The following NSL1 variants were observed in gnomAD, a reference collection of about 807,000 sequenced individuals.
The protein encoded by NSL1 is NSL1 component of MIS12 kinetochore complex.
Under a neutral mutation model 25.4 loss-of-function variants are expected in NSL1, and 11 were observed. The observed-to-expected ratio is 0.43, with a 90% CI of 0.27 to 0.72. The LOEUF is 0.72. Ranked by LOEUF, NSL1 falls within the 30% of genes least tolerant of loss-of-function variation. NSL1 has a pLI of 0.19. For synonymous variants in NSL1, 118 were observed against 120.6 expected, an observed-to-expected ratio of 0.98 and a Z score of 0.14; for missense variants, 330 against 342.7, an observed-to-expected ratio of 0.96 and a Z score of 0.29.
In NSL1 at chr1:212,784,348, G is replaced by T; in HGVS notation, c.444+15C>A. The T allele has an allele frequency of 6.5e-7, 1 of 1,541,334 alleles. No homozygotes were observed. The highest frequency in any genetic ancestry group is 8.8e-7 in the Non-Finnish European group (1 of 1,132,776). ...GTAAAATATACTATAACATTTTAAA[G>T]GCAAATCATCTTACCAGAATTTCTT... On this transcript the variant is annotated intron_variant, in intron 3 of 5. Transcript: ENST00000366977.
At chr1:212,789,536 T>C (rs535845780) in intron 1 of NSL1, among the ~76,000 whole-genome samples, 2 of 152,348 alleles carry the variant, frequency 1.3e-5, no homozygotes, top group South Asian at 2.1e-4. Context: ...AATTATTTTC[T>C]AGAATTACTT....
chr1:212,784,938 G>A (rs1249720539), intron 2 of NSL1, among the ~76,000 whole-genome samples: 2 of 152,070 alleles, frequency 1.3e-5, no homozygotes, highest in Non-Finnish European at 1.5e-5. Context: ...AAAGTGGTAC[G>A]GGAAAAAAGG....
At chr1:212,759,360 T>C (rs1571887217) in intron 4 of NSL1, among the ~76,000 whole-genome samples, 1 of 152,072 alleles carries the variant, frequency 6.6e-6, no homozygotes, top group East Asian at 1.9e-4. Flanking sequence ...AAAGACAGCA[T>C]CCAAGAAAAA....
Position 212,728,232 on chromosome 1 carries a change from T to A in NSL1, c.*10176A>T, listed in dbSNP as rs1571851252. Reference sequence around the variant, plus strand: ...TACATGGTAACTACTAGCATTATATTGATATTACCTTCAGCAAATAAGTTG... The same window carrying A: ...TACATGGTAACTACTAGCATTATATAGATATTACCTTCAGCAAATAAGTTG... On this transcript the variant is annotated 3_prime_UTR_variant, in exon 6 of 6. Coordinates refer to ENST00000366977, the MANE Select transcript of NSL1 (RefSeq NM_015471.4). 1 of 950,802 alleles carries A rather than the reference T, an allele frequency of 1.1e-6. No individual in the cohort carries two copies. The highest frequency in any genetic ancestry group is 1.2e-4 in the East Asian group (1 of 8,644). The allele number at this position is 950,802 out of a possible 1,614,324, so 58.9% of individuals were successfully genotyped here. A position where few individuals can be genotyped will look rare whatever the true frequency, so the allele number is the denominator to read the frequency against.
At position 212,727,542 on chromosome 1, in the gene NSL1, G is replaced by C; in HGVS notation, c.*10866C>G. ...TATACCACTGGAGAGAAAGGACAATGAATTAGACGTGTGCCACATACTTCT... is the reference window on the plus strand; with the variant it reads ...TATACCACTGGAGAGAAAGGACAATCAATTAGACGTGTGCCACATACTTCT... On this transcript the variant is annotated 3_prime_UTR_variant, in exon 6 of 6. Coordinates refer to ENST00000366977, the MANE Select transcript of NSL1 (RefSeq NM_015471.4). The C allele has an allele frequency of 2.2e-5, 22 of 985,392 alleles. No individual in the cohort carries two copies. The highest frequency in any genetic ancestry group is 2.7e-5 in the Non-Finnish European group (22 of 829,912). The allele number at this position is 985,392 out of a possible 1,614,324, so 61.0% of individuals were successfully genotyped here.
At position 212,728,350 on chromosome 1, in the gene NSL1, T is replaced by G; in HGVS notation, c.*10058A>C. 8.1e-6 allele frequency: 8 copies of G among 985,470 alleles called. No individual in the cohort carries two copies. Among genetic ancestry groups the G allele is most frequent in the Non-Finnish European group, 7.2e-6 (6 of 829,928 alleles). The allele number at this position is 985,470 out of a possible 1,614,324, so 61.0% of individuals were successfully genotyped here. A position where few individuals can be genotyped will look rare whatever the true frequency, so the allele number is the denominator to read the frequency against. On this transcript the variant is annotated 3_prime_UTR_variant, in exon 6 of 6. Transcript: ENST00000366977. ...TTATATGCCTGTTTTAAAAATATGCTGCTTTAAACAGTTCTACAATTCACG... is the reference window on the plus strand; with the variant it reads ...TTATATGCCTGTTTTAAAAATATGCGGCTTTAAACAGTTCTACAATTCACG...
chr1:212,776,372 A>T (rs1660370683), intron 4 of NSL1, among the ~76,000 whole-genome samples: 1 of 151,168 alleles, frequency 6.6e-6, no homozygotes, highest in Admixed American at 6.6e-5. Context: ...TCAAAAAAAA[A>T]TAATAAATAA....
At chr1:212,778,449 G>T (rs1197427640) in intron 4 of NSL1, among the ~76,000 whole-genome samples, 1 of 152,322 alleles carries the variant, frequency 6.6e-6, no homozygotes, top group South Asian at 2.1e-4. Context: ...CTGATGCCGA[G>T]CCGAAGCTGG....
intron 4 of NSL1, among the ~76,000 whole-genome samples, chr1:212,752,994 G>GA (rs1659137434): frequency 6.6e-6 from 1 of 151,976 alleles, no homozygotes; most frequent in Non-Finnish European, 1.5e-5. Context: ...GGCTTCTACT[G>GA]GTTTCTAAAG....
intron 4 of NSL1, among the ~76,000 whole-genome samples, chr1:212,774,387 TA>T (rs879433979): frequency 6.6e-6 from 1 of 152,038 alleles, no homozygotes; most frequent in Non-Finnish European, 1.5e-5. Flanking sequence ...TGTACCAATT[TA>T]AAAAAAATTT....
chr1:212,748,492 T>C (rs1444681991), intron 4 of NSL1, among the ~76,000 whole-genome samples: 1 of 152,196 alleles, frequency 6.6e-6, no homozygotes, highest in Non-Finnish European at 1.5e-5. Context: ...AGATAAATTG[T>C]CTGTAGACAC....
In NSL1 at chr1:212,727,764, T is replaced by C; in HGVS notation, c.*10644A>G. Reference sequence around the variant, plus strand: ...AGCAAAAGTTCATATTTAACCTCATTAAGATAATAAATTGCTTTAAACAAC... The same window carrying C: ...AGCAAAAGTTCATATTTAACCTCATCAAGATAATAAATTGCTTTAAACAAC... On this transcript the variant is annotated 3_prime_UTR_variant, in exon 6 of 6. Coordinates refer to ENST00000366977, the MANE Select transcript of NSL1 (RefSeq NM_015471.4). 2 of 984,134 alleles carry C rather than the reference T, an allele frequency of 2.0e-6. No individual in the cohort carries two copies. Among genetic ancestry groups the C allele is most frequent in the Non-Finnish European group, 2.4e-6 (2 of 828,764 alleles). 61.0% of individuals were successfully genotyped at this position (984,134 alleles called of 1,614,324 possible). A position where few individuals can be genotyped will look rare whatever the true frequency, so the allele number is the denominator to read the frequency against.
At position 212,728,806 on chromosome 1, in the gene NSL1, C is replaced by T. The variant is rs919412869; in HGVS notation, c.*9602G>A. ...TTCTGTTTTTCCTCTCACTCTGACT[C>T]GAGGAGGGCCCTCAGCGCAGAGAAA... On this transcript the variant is annotated 3_prime_UTR_variant, in exon 6 of 6. Coordinates refer to ENST00000366977, the MANE Select transcript of NSL1 (RefSeq NM_015471.4). 1.1e-5 allele frequency: 11 copies of T among 985,196 alleles called. No individual in the cohort carries two copies. The highest frequency in any genetic ancestry group is 1.7e-5 in the African/African-American group (1 of 57,198). The allele number at this position is 985,196 out of a possible 1,614,324, so 61.0% of individuals were successfully genotyped here.
rs1446679188 is a variant in NSL1 at position 212,733,606 on chromosome 1, G to A, written c.*4802C>T. Among the ~76,000 whole-genome samples, 1 of 152,162 alleles carries A rather than the reference G, an allele frequency of 6.6e-6. No individual in the cohort carries two copies. Among genetic ancestry groups the A allele is most frequent in the Admixed American group, 6.5e-5 (1 of 15,274 alleles). On this transcript the variant is annotated 3_prime_UTR_variant, in exon 6 of 6. Transcript: ENST00000366977. ...TACAAAATTCAGCAGTCTTTTGTGA[G>A]AGGCTTCTTTCACTTGGCATGTTTT...
intron 4 of NSL1, among the ~76,000 whole-genome samples, chr1:212,777,821 G>A (rs546731328): frequency 6.6e-6 from 1 of 152,352 alleles, no homozygotes; most frequent in South Asian, 2.1e-4. Flanking sequence ...GGTGGGAACA[G>A]AGATGTTCAT....
chr1:212,730,594 A>G lies in NSL1; in HGVS notation c.*7814T>C, dbSNP rs1657976599. On this transcript the variant is annotated 3_prime_UTR_variant, in exon 6 of 6. Coordinates refer to ENST00000366977, the MANE Select transcript of NSL1 (RefSeq NM_015471.4). ...TTGAATTTTCTTCTCTAGCTATCCC[A>G]GGCCACCCAGAAGTCAGGGGATGTG... 1 of 985,436 alleles carries G rather than the reference A, an allele frequency of 1.0e-6. No homozygotes were observed. The highest frequency in any genetic ancestry group is 1.1e-4 in the East Asian group (1 of 8,818). The allele number at this position is 985,436 out of a possible 1,614,324, so 61.0% of individuals were successfully genotyped here.
intron 4 of NSL1, among the ~76,000 whole-genome samples, chr1:212,751,989 G>T (rs185006997): frequency 6.6e-6 from 1 of 152,274 alleles, no homozygotes; most frequent in East Asian, 1.9e-4. Flanking sequence ...CAGGAGATGG[G>T]ATGGGCTTTC....
rs1658029503 is a variant in NSL1, at chr1:212,731,904, C to CAGCAGCTATA, written c.*6494_*6503dup. 1.0e-6 allele frequency: 1 copy of CAGCAGCTATA among 985,318 alleles called. No individual in the cohort carries two copies. The highest frequency in any genetic ancestry group is 1.2e-6 in the Non-Finnish European group (1 of 829,940). The allele number at this position is 985,318 out of a possible 1,614,324, so 61.0% of individuals were successfully genotyped here. A position where few individuals can be genotyped will look rare whatever the true frequency, so the allele number is the denominator to read the frequency against. On this transcript the variant is annotated 3_prime_UTR_variant, in exon 6 of 6. Coordinates refer to ENST00000366977, the MANE Select transcript of NSL1 (RefSeq NM_015471.4). ...GGACACCCTACCCTGCCCCAGGACC[C>CAGCAGCTATA]AGCAGCTATAAGGGCCTCCACACCC...
intron 4 of NSL1, among the ~76,000 whole-genome samples, chr1:212,744,914 G>A (rs1481489235): frequency 6.6e-6 from 1 of 152,078 alleles, no homozygotes; most frequent in African/African-American, 2.4e-5. Flanking sequence ...CAAGGCGGCC[G>A]GATCACGTGA....
Sources: gnomAD v4.1 joint callset for allele counts (sites outside exome capture counted in the v4.1 genomes callset) on GRCh38, gnomAD v4.1.1 for gene constraint, MANE v1.5 for transcripts, NCBI Gene and HGNC (gene_info 2026-07-23, HGNC 2026-07-21) for gene names.